Variants in CHIC1 observed in about 807,000 individuals in gnomAD.
CHIC1 encodes cysteine-rich hydrophobic domain-containing protein 1.
CHIC1 carries 7 observed loss-of-function variants against 18.5 expected under a neutral mutation model. The ratio of observed to expected loss-of-function variants is 0.38; its 90% confidence interval spans 0.22 to 0.71. CHIC1 has a LOEUF of 0.71. Among genes scored for constraint, CHIC1 ranks in the 30% least tolerant of loss-of-function variants. The pLI is 0.49. For missense variants in CHIC1, 159 were observed against 176.9 expected (o/e 0.90, Z 0.57); for synonymous variants, 77 against 73.5 (o/e 1.05, Z -0.25).
chrX:73,601,511 A>G (rs2057650028), intron 3 of CHIC1, among the ~76,000 whole-genome samples: 1 of 106,832 alleles, frequency 9.4e-6, no homozygotes. Context: ...TTTGAAACCA[A>G]CGAGAACAAA....
intron 1 of CHIC1, among the ~76,000 whole-genome samples, chrX:73,571,421 ACTT>A (rs776015826): frequency 1.8e-5 from 2 of 111,844 alleles, no homozygotes; most frequent in Non-Finnish European, 3.8e-5. Context: ...TAAAGTCACT[ACTT>A]CACTAGCTAA....
intron 3 of CHIC1, among the ~76,000 whole-genome samples, chrX:73,600,714 T>A (rs1352685107): frequency 9.3e-6 from 1 of 107,459 alleles, no homozygotes; most frequent in Non-Finnish European, 1.9e-5. Context: ...AGCTTTTTGA[T>A]GTGCTGCTGG....
intron 3 of CHIC1, among the ~76,000 whole-genome samples, chrX:73,677,932 A>G (rs2058077083): frequency 9.0e-6 from 1 of 110,522 alleles, no homozygotes; most frequent in African/African-American, 3.3e-5. Flanking sequence ...CAGGAATTTC[A>G]TAAATTTAAT....
rs764970432 is a variant in CHIC1 at position 73,685,485 on chromosome X, A to G, written c.*4480A>G. ...TGTCTAATCAAATTCCATACCCTCA[A>G]AAAGATCTGTTGGAACAAATTGATA... On this transcript the variant is annotated 3_prime_UTR_variant, in exon 6 of 6. Coordinates refer to ENST00000373502, the MANE Select transcript of CHIC1 (RefSeq NM_001039840.4). The G allele has an allele frequency of 4.5e-5, 5 of 111,807 alleles. No homozygotes were observed. Among genetic ancestry groups the G allele is most frequent in the Admixed American group, 3.8e-4 (4 of 10,464 alleles). The allele number at this position is 111,807 out of a possible 1,213,427, so 9.2% of individuals were successfully genotyped here.
At chrX:73,650,834 C>T (rs2057912782) in intron 3 of CHIC1, among the ~76,000 whole-genome samples, 1 of 111,194 alleles carries the variant, frequency 9.0e-6, no homozygotes, top group East Asian at 2.8e-4. Context: ...CTCCCTAACT[C>T]ATTTTATGAG....
chrX:73,618,445 G>C (rs1405503945), intron 3 of CHIC1, among the ~76,000 whole-genome samples: 1 of 111,474 alleles, frequency 9.0e-6, no homozygotes, highest in Non-Finnish European at 1.9e-5. Flanking sequence ...GGTGGGGTCT[G>C]CTGTGGCTGC....
chrX:73,616,057 G>C (rs776000146), intron 3 of CHIC1, among the ~76,000 whole-genome samples: 3 of 110,522 alleles, frequency 2.7e-5, no homozygotes, highest in South Asian at 7.9e-4. Context: ...TAGGAATTTG[G>C]AGATTCCAGG....
At chrX:73,630,912 C>A (rs890078507) in intron 3 of CHIC1, among the ~76,000 whole-genome samples, 8 of 111,558 alleles carry the variant, frequency 7.2e-5, no homozygotes, top group Admixed American at 2.9e-4. Context: ...GATTTTATCT[C>A]CTTGCTCTTT....
At position 73,606,805 on chromosome X, in the gene CHIC1, C is replaced by T. The variant is rs776572353; in HGVS notation, c.507+22233C>T. On this transcript the variant is annotated intron_variant, in intron 3 of 5. Coordinates refer to ENST00000373502, the MANE Select transcript of CHIC1 (RefSeq NM_001039840.4). ...ACCCTGTTTGCTTTGGTATCACCAG[C>T]GGAGGCTGCAGAATAGCAAAGATTG... is the stretch of plus-strand genomic sequence containing the variant. 2.7e-5 allele frequency among the ~76,000 whole-genome samples: 3 copies of T among 109,123 alleles called. 1 individual carries two copies. In the South Asian group the frequency reaches 1.1e-3, roughly 41 times the overall value. 94.8% of individuals were successfully genotyped at this position (109,123 alleles called of 115,157 possible).
intron 3 of CHIC1, among the ~76,000 whole-genome samples, chrX:73,607,522 T>G (rs1420018532): frequency 9.3e-6 from 1 of 107,179 alleles, no homozygotes; most frequent in Non-Finnish European, 1.9e-5. Flanking sequence ...CAGGAGCCAC[T>G]GGGGTATGAA....
At chrX:73,666,422 A>G (rs992250598) in intron 3 of CHIC1, among the ~76,000 whole-genome samples, 1 of 112,234 alleles carries the variant, frequency 8.9e-6, no homozygotes, top group African/African-American at 3.2e-5. Context: ...AGCATCCAGC[A>G]TGGGAGAAAG....
intron 3 of CHIC1, among the ~76,000 whole-genome samples, chrX:73,672,372 T>C (rs1157826649): frequency 9.0e-6 from 1 of 111,587 alleles, no homozygotes. Flanking sequence ...TGAACTAGTT[T>C]ACAGTCCCAC....
At chrX:73,680,914 GA>G in intron 5 of CHIC1, 40 bp from the exon 6 acceptor site, 1 of 738,515 alleles carries the variant, frequency 1.4e-6, no homozygotes, top group South Asian at 2.6e-5. Context: ...TATATTAAAT[GA>G]AAAATATTTT....
chrX:73,673,279 G>A (rs1280281452), intron 3 of CHIC1, among the ~76,000 whole-genome samples: 2 of 111,663 alleles, frequency 1.8e-5, no homozygotes, highest in African/African-American at 6.5e-5. Flanking sequence ...TTCCAATTCT[G>A]TGAAGAAAGT....
intron 3 of CHIC1, among the ~76,000 whole-genome samples, chrX:73,615,466 G>T (rs780425874): frequency 3.1e-4 from 35 of 111,971 alleles, no homozygotes; most frequent in African/African-American, 1.1e-3. Flanking sequence ...GTCCACACTG[G>T]TGTTGGCAGT....
chrX:73,588,362 T>C (rs955449709), intron 3 of CHIC1, among the ~76,000 whole-genome samples: 2 of 111,319 alleles, frequency 1.8e-5, no homozygotes, highest in African/African-American at 6.5e-5. Flanking sequence ...TGATATGTAC[T>C]CTTTCATGGC....
In CHIC1 at chrX:73,684,556, C is replaced by G. The variant is rs2058113272; in HGVS notation, c.*3551C>G. 9.0e-6 allele frequency: 1 copy of G among 111,017 alleles called. No individual in the cohort carries two copies. Among genetic ancestry groups the G allele is most frequent in the Non-Finnish European group, 1.9e-5 (1 of 52,716 alleles). The allele number at this position is 111,017 out of a possible 1,213,427, so 9.1% of individuals were successfully genotyped here. On this transcript the variant is annotated 3_prime_UTR_variant, in exon 6 of 6. Transcript: ENST00000373502. ...ATTGTATTAAAATGTACTATATTGA[C>G]CTAGGAGGATATAGAAATTATATTC...
At chrX:73,648,694 G>A (rs903324301) in intron 3 of CHIC1, among the ~76,000 whole-genome samples, 1 of 111,398 alleles carries the variant, frequency 9.0e-6, no homozygotes, top group African/African-American at 3.3e-5. Flanking sequence ...AACGAACAAA[G>A]CCTCAGAGAA....
At chrX:73,591,971 A>T (rs748242945) in intron 3 of CHIC1, among the ~76,000 whole-genome samples, 2 of 111,410 alleles carry the variant, frequency 1.8e-5, no homozygotes, top group South Asian at 7.4e-4. Flanking sequence ...TACTGTGTTG[A>T]CTATTATGGA....
Sources: gnomAD v4.1 joint callset for allele counts (sites outside exome capture counted in the v4.1 genomes callset) on GRCh38, gnomAD v4.1.1 for gene constraint, MANE v1.5 for transcripts, NCBI Gene and HGNC (gene_info 2026-07-23, HGNC 2026-07-21) for gene names.